The following ABCB9 variants were observed in gnomAD, a reference collection of about 807,000 sequenced individuals.
The protein encoded by ABCB9 is ABC-type oligopeptide transporter ABCB9.
In ABCB9, 36 loss-of-function variants were observed where a neutral mutation model predicts 62.0. The observed-to-expected ratio is 0.58, with a 90% CI of 0.45 to 0.77. The LOEUF is 0.77. Among genes scored for constraint, ABCB9 ranks in the 30% least tolerant of loss-of-function variants. The probability of loss-of-function intolerance (pLI) is 0.00; values close to 1 mark genes in which losing one functional copy is unlikely to be tolerated. For missense variants in ABCB9, 943 were observed against 1,054.7 expected, an observed-to-expected ratio of 0.89 and a Z score of 1.47; for synonymous variants, 435 against 461.4, an observed-to-expected ratio of 0.94 and a Z score of 0.73.
chr12:122,924,344 C>T (rs1474751195), downstream of ABCB9, among the ~76,000 whole-genome samples: 2 of 152,140 alleles, frequency 1.3e-5, no homozygotes, highest in Non-Finnish European at 2.9e-5. Context: ...TACGGCATAT[C>T]GAAGAGTTCA....
At chr12:122,926,419 C>A (rs750712584), downstream of ABCB9, among the ~76,000 whole-genome samples, 3 of 151,964 alleles carry the variant, frequency 2.0e-5, no homozygotes, top group Admixed American at 1.3e-4. Context: ...TGGTGGCAGG[C>A]GCCTGTAGTC....
intron 2 of ABCB9, 28 bp from the exon 3 acceptor site, chr12:122,950,593 C>T (rs141885638): frequency 2.0e-5 from 31 of 1,580,626 alleles, no homozygotes; most frequent in Middle Eastern, 1.7e-4. Flanking sequence ...GCCTCAGGGA[C>T]GTCTGCAGCC....
At chr12:122,950,361 G>T in intron 3 of ABCB9, 90 bp downstream of exon 3, 1 of 1,265,124 alleles carries the variant, frequency 7.9e-7, no homozygotes, top group Non-Finnish European at 1.1e-6. Flanking sequence ...GGCCTCCCTG[G>T]CCCCTGTCTT....
At chr12:122,971,386 C>CAAAAAAAAAAAAAAAAAAAAACAA (rs1325058090), upstream of ABCB9, among the ~76,000 whole-genome samples, 1 of 53,942 alleles carries the variant, frequency 1.9e-5, no homozygotes, top group Non-Finnish European at 4.3e-5. Context: ...GACTCCATCT[C>CAAAAAAAAAAAAAAAAAAAAACAA]AAAAAAAAAA....
chr12:122,959,151 A>T lies in ABCB9; in HGVS notation c.601+484T>A, dbSNP rs1348728081. ...TGGATCACCTGAGGTCAGGAGTTCA[A>T]GACCAGCCTGGCCAACATGGCGAAA... On this transcript the variant is annotated intron_variant, in intron 2 of 11. Coordinates refer to ENST00000280560, the MANE Select transcript of ABCB9 (RefSeq NM_019625.4). The surrounding 1 kb of genome is among the most constrained non-coding windows in gnomAD (Gnocchi z 5.4). Among the ~76,000 whole-genome samples, 1 of 151,180 alleles carries T rather than the reference A, an allele frequency of 6.6e-6. No homozygotes were observed. Among genetic ancestry groups the T allele is most frequent in the Non-Finnish European group, 1.5e-5 (1 of 67,778 alleles).
intron 1 of ABCB9, among the ~76,000 whole-genome samples, chr12:122,966,031 C>T (rs1469551876): frequency 6.6e-6 from 1 of 152,242 alleles, no homozygotes; most frequent in Non-Finnish European, 1.5e-5. Context: ...CCACATTTTC[C>T]AAGAGGCAGC....
chr12:122,930,651 G>A lies in ABCB9; in HGVS notation c.2041-480C>T, dbSNP rs1274559479. ...TCTCGAACACCTGACTTTGTGATCC[G>A]CCTGGCCTCGGCCTCCCAAAGTGCT... is the stretch of plus-strand genomic sequence containing the variant. On this transcript the variant is annotated intron_variant, in intron 11 of 11. Transcript: ENST00000280560. The surrounding 1 kb of genome is among the most constrained non-coding windows in gnomAD (Gnocchi z 4.9). Among the ~76,000 whole-genome samples the A allele has an allele frequency of 1.3e-5, 2 of 151,890 alleles. No homozygotes were observed. Among genetic ancestry groups the A allele is most frequent in the African/African-American group, 2.4e-5 (1 of 41,346 alleles).
intron 5 of ABCB9, 171 bp from the exon 6 acceptor site, chr12:122,946,393 C>A: frequency 1.5e-6 from 1 of 652,300 alleles, no homozygotes; most frequent in Admixed American, 2.7e-5. Context: ...CCCCTTCTGG[C>A]TCAATTTGAC....
chr12:122,956,371 A>AGG (rs1167916431), intron 2 of ABCB9, among the ~76,000 whole-genome samples: 1 of 152,186 alleles, frequency 6.6e-6, no homozygotes, highest in African/African-American at 2.4e-5. Flanking sequence ...TGGGACTGAG[A>AGG]GGGCAGAGGT....
chr12:122,954,573 A>C (rs895776014), intron 2 of ABCB9, among the ~76,000 whole-genome samples: 5 of 151,330 alleles, frequency 3.3e-5, no homozygotes, highest in African/African-American at 1.2e-4. Context: ...GCTCACTGCA[A>C]CCTCCACCTC....
chr12:122,950,415 G>A (rs1477658532), intron 3 of ABCB9, 36 bp downstream of exon 3: 3 of 1,568,496 alleles, frequency 1.9e-6, no homozygotes, highest in South Asian at 2.3e-5. Flanking sequence ...GCAGGTCGGG[G>A]TGTGCGGGGC....
intron 2 of ABCB9, 120 bp from the exon 3 acceptor site, chr12:122,950,685 C>A: frequency 1.3e-6 from 1 of 796,288 alleles, no homozygotes; most frequent in South Asian, 1.7e-5. Flanking sequence ...GGGCTTTCCT[C>A]CCTCGGCAAA....
At chr12:122,975,109 G>C in exon 1 of ABCB9, 1 of 509,178 alleles carries the variant, frequency 2.0e-6, no homozygotes, top group Non-Finnish European at 3.6e-6. Flanking sequence ...TCCGCAGACC[G>C]TTTCCTGGCG....
At chr12:122,920,378 A>G (rs1047069500), downstream of ABCB9, among the ~76,000 whole-genome samples, 7 of 150,102 alleles carry the variant, frequency 4.7e-5, no homozygotes, top group Non-Finnish European at 1.0e-4. Flanking sequence ...AAAAAAAAAA[A>G]GGCAAAGGTG....
intron 1 of ABCB9, among the ~76,000 whole-genome samples, chr12:122,974,208 A>G (rs541289430): frequency 1.3e-5 from 2 of 152,210 alleles, no homozygotes; most frequent in Non-Finnish European, 2.9e-5. Flanking sequence ...AAGGGCAGTT[A>G]GGCGGGTAAT....
chr12:122,927,513 A>C (rs193116516), downstream of ABCB9, among the ~76,000 whole-genome samples: 1 of 152,348 alleles, frequency 6.6e-6, no homozygotes, highest in East Asian at 1.9e-4. Context: ...CCTAAAAAGA[A>C]GGTAATTCGG....
chr12:122,932,138 C>G lies in ABCB9; in HGVS notation c.2040+54G>C, dbSNP rs1468512665. ...ATCCATCTGCTGGGCGATGGGGGCT[C>G]TGGCCACCTGGAGCCGCTCCTGCCC... On this transcript the variant is annotated intron_variant, in intron 11 of 11. Coordinates refer to ENST00000280560, the MANE Select transcript of ABCB9 (RefSeq NM_019625.4). The surrounding 1 kb of genome is among the most constrained non-coding windows in gnomAD (Gnocchi z 4.7). 3 of 1,549,992 alleles carry G rather than the reference C, an allele frequency of 1.9e-6. No homozygotes were observed. The highest frequency in any genetic ancestry group is 2.6e-6 in the Non-Finnish European group (3 of 1,147,008).
intron 10 of ABCB9, among the ~76,000 whole-genome samples, chr12:122,934,951 G>A (rs1004040569): frequency 4.0e-5 from 6 of 151,448 alleles, no homozygotes; most frequent in East Asian, 1.9e-4. Flanking sequence ...CTCCTCCTCC[G>A]CCTCCACCTC....
chr12:122,935,222 C>G, intron 10 of ABCB9, 50 bp downstream of exon 10: 1 of 1,543,116 alleles, frequency 6.5e-7, no homozygotes, highest in East Asian at 2.4e-5. Context: ...GGTTATGTCC[C>G]TGAGGGTGAC....
Sources: gnomAD v4.1 joint callset for allele counts (sites outside exome capture counted in the v4.1 genomes callset) on GRCh38, gnomAD v4.1.1 for gene constraint, Gnocchi (gnomAD v3.1) non-coding constraint, MANE v1.5 for transcripts, NCBI Gene and HGNC (gene_info 2026-07-23, HGNC 2026-07-21) for gene names.